Variants in ZNF732 observed in about 807,000 individuals in gnomAD.
ZNF732 encodes the protein zinc finger protein LOC654254.
ZNF732 carries 12 observed loss-of-function variants against 11.5 expected under a neutral mutation model. That is an observed-to-expected ratio of 1.05 (90% CI 0.67 to 1.70). The LOEUF (loss-of-function observed/expected upper bound fraction) is 1.70, where lower values mean the gene tolerates loss of function less well. ZNF732 is among the 40% of genes most tolerant of loss of function. ZNF732 has a pLI of 0.00. For synonymous variants in ZNF732, 231 were observed against 236.5 expected, an observed-to-expected ratio of 0.98 and a Z score of 0.21; for missense variants, 702 against 676.9, an observed-to-expected ratio of 1.04 and a Z score of -0.41.
Position 299,390 on chromosome 4 carries a change from TGTACAC to T in ZNF732, c.4-3241_4-3236del, listed in dbSNP as rs529754494. Among the ~76,000 whole-genome samples the T allele has an allele frequency of 1.1e-3, 82 of 75,694 alleles. 4 individuals carry two copies. Among genetic ancestry groups the T allele is most frequent in the African/African-American group, 2.7e-3 (74 of 26,924 alleles). The allele number at this position is 75,694 out of a possible 152,430, so 49.7% of individuals were successfully genotyped here. Reference sequence around the variant, plus strand: ...ATATGTGTATATATATATACACATATGTACACATATGTGTATATATATATACACATA... The same window carrying T: ...ATATGTGTATATATATATACACATATATATGTGTATATATATATACACATA... On this transcript the variant is annotated intron_variant, in intron 1 of 3. Transcript: ENST00000419098.
intron 3 of ZNF732, among the ~76,000 whole-genome samples, chr4:281,869 C>T (rs1352957954): frequency 2.0e-5 from 3 of 152,024 alleles, no homozygotes; most frequent in African/African-American, 7.2e-5. Flanking sequence ...AAACACAGAT[C>T]TAAAAAATGG....
chr4:300,977 A>T (rs2108662398), intron 1 of ZNF732, among the ~76,000 whole-genome samples: 1 of 152,338 alleles, frequency 6.6e-6, no homozygotes, highest in Non-Finnish European at 1.5e-5. Context: ...CTCATCTGAC[A>T]AAGAGCTAAT....
chr4:293,233 G>GGTGT lies in ZNF732; in HGVS notation c.226+2201_226+2204dup, dbSNP rs199884660. On this transcript the variant is annotated intron_variant, in intron 3 of 3. Coordinates refer to ENST00000419098, the MANE Select transcript of ZNF732 (RefSeq NM_001137608.3). Reference sequence around the variant, plus strand: ...AGTATATTTACAATAGCCAAAATATGGTGTGTGTGTGTATATATATATACA... The same window carrying GGTGT: ...AGTATATTTACAATAGCCAAAATATGGTGTGTGTGTGTGTGTATATATATATACA... Among the ~76,000 whole-genome samples the GGTGT allele has an allele frequency of 8.3e-5, 11 of 131,900 alleles. No homozygotes were observed. The South Asian group carries it at 1.1e-3, about 13-fold the overall frequency. The allele number at this position is 131,900 out of a possible 152,430, so 86.5% of individuals were successfully genotyped here. A position where few individuals can be genotyped will look rare whatever the true frequency, so the allele number is the denominator to read the frequency against.
intron 2 of ZNF732, 111 bp from the exon 3 acceptor site, chr4:295,644 A>G (rs964605849): frequency 3.7e-5 from 37 of 988,146 alleles, no homozygotes; most frequent in Non-Finnish European, 5.3e-5. Flanking sequence ...TAATTAATCC[A>G]AAAATTGTTT....
chr4:281,046 G>A (rs1404766408), intron 3 of ZNF732, among the ~76,000 whole-genome samples: 1 of 152,106 alleles, frequency 6.6e-6, no homozygotes, highest in Non-Finnish European at 1.5e-5. Flanking sequence ...CTATAAGCTG[G>A]CTCCAAGTCC....
intron 1 of ZNF732, among the ~76,000 whole-genome samples, chr4:296,423 G>A (rs1447658714): frequency 3.3e-5 from 5 of 152,068 alleles, no homozygotes; most frequent in Non-Finnish European, 7.4e-5. Context: ...TGGAAAAAAA[G>A]ATTTAACTCA....
intron 3 of ZNF732, among the ~76,000 whole-genome samples, chr4:278,161 T>C (rs1198215672): frequency 6.6e-6 from 1 of 152,204 alleles, no homozygotes; most frequent in Non-Finnish European, 1.5e-5. Flanking sequence ...ATGTGAAATC[T>C]AATATAAACA....
At chr4:291,883 TG>T (rs1719848294) in intron 3 of ZNF732, among the ~76,000 whole-genome samples, 1 of 152,064 alleles carries the variant, frequency 6.6e-6, no homozygotes, top group South Asian at 2.1e-4. Flanking sequence ...AAAAAACCAA[TG>T]GAACAGAATA....
intron 1 of ZNF732, among the ~76,000 whole-genome samples, chr4:299,466 T>TATATACAC (rs1581549094): frequency 3.7e-5 from 3 of 81,826 alleles, no homozygotes; most frequent in African/African-American, 1.2e-4. Flanking sequence ...TATGTGTATA[T>TATATACAC]ATATATACAC....
At chr4:298,856 C>G (rs1195385657) in intron 1 of ZNF732, among the ~76,000 whole-genome samples, 3 of 152,208 alleles carry the variant, frequency 2.0e-5, no homozygotes, top group African/African-American at 7.2e-5. Context: ...ATTTTGTGGC[C>G]CTGAACTCCC....
In ZNF732 at chr4:271,471, A is replaced by T. The variant is rs1719358722; in HGVS notation, c.1386T>A (p.Ser462Arg). The change falls in exon 4 of 4, where the codon AGT (serine) becomes AGA (arginine). Residue 462 changes from serine (S) to arginine (R), a missense_variant. Coordinates refer to ENST00000419098, the MANE Select transcript of ZNF732 (RefSeq NM_001137608.3). ...CTCCAGTATGAATTTTCTTATGTTT[A>T]CTCAGGTATGCAGACCATCCAAAGG... ...GKAFGWSAYL[S>R]KHKKIHTGEK... 3 of 1,609,224 alleles carry T rather than the reference A, an allele frequency of 1.9e-6. No individual in the cohort carries two copies. The highest frequency in any genetic ancestry group is 2.5e-6 in the Non-Finnish European group (3 of 1,177,810).
intron 3 of ZNF732, among the ~76,000 whole-genome samples, chr4:277,893 A>C (rs1553839007): frequency 6.7e-6 from 1 of 149,766 alleles, no homozygotes; most frequent in African/African-American, 2.5e-5. Flanking sequence ...AGCTAAAGAA[A>C]ACAAAATCAG....
rs114676750 is a variant in ZNF732, at chr4:285,297, C to T, written c.226+10141G>A. Among the ~76,000 whole-genome samples the T allele has an allele frequency of 1.3e-3, 203 of 152,318 alleles. 1 individual carries two copies. The highest frequency in any genetic ancestry group is 4.3e-3 in the African/African-American group (180 of 41,578). On this transcript the variant is annotated intron_variant, in intron 3 of 3. Transcript: ENST00000419098. ...TATAGATACTGGCCCAGGCAGGCAG[C>T]TCTGACTTATGAATGTGTGTGTGCA...
At chr4:296,352 A>C (rs1251120254) in intron 1 of ZNF732, among the ~76,000 whole-genome samples, 197 bp from the exon 2 acceptor site, 4 of 152,150 alleles carry the variant, frequency 2.6e-5, no homozygotes, top group African/African-American at 9.7e-5. Flanking sequence ...CTGCAATAAA[A>C]ATAACGGGCT....
chr4:293,130 C>T lies in ZNF732; in HGVS notation c.226+2308G>A, dbSNP rs192482992. ...AAAATGGAAATATTATATAATCCAG[C>T]AATACCACTTCTGGGTACACTACCA... On this transcript the variant is annotated intron_variant, in intron 3 of 3. Transcript: ENST00000419098. Among the ~76,000 whole-genome samples, 833 of 143,048 alleles carry T rather than the reference C, an allele frequency of 5.8e-3. 7 individuals are homozygous for T. Among genetic ancestry groups the T allele is most frequent in the African/African-American group, 0.02 (782 of 38,770 alleles). 93.8% of individuals were successfully genotyped at this position (143,048 alleles called of 152,430 possible). A position where few individuals can be genotyped will look rare whatever the true frequency, so the allele number is the denominator to read the frequency against.
chr4:276,440 T>G (rs1207637131), intron 3 of ZNF732, among the ~76,000 whole-genome samples: 2 of 151,910 alleles, frequency 1.3e-5, no homozygotes, highest in East Asian at 3.8e-4. Flanking sequence ...TCCTATTCAG[T>G]ATGATTTCAG....
At chr4:289,979 A>C (rs1001870631) in intron 3 of ZNF732, among the ~76,000 whole-genome samples, 2 of 152,252 alleles carry the variant, frequency 1.3e-5, no homozygotes, top group Admixed American at 6.5e-5. Context: ...ATTTAAAAGG[A>C]TGTGGCTTAC....
In ZNF732 at chr4:295,207, T is replaced by C. The variant is rs77103782; in HGVS notation, c.226+231A>G. 7.4e-3 allele frequency among the ~76,000 whole-genome samples: 1,123 copies of C among 152,332 alleles called. 8 individuals carry two copies. Among genetic ancestry groups the C allele is most frequent in the African/African-American group, 0.02 (834 of 41,582 alleles). On this transcript the variant is annotated intron_variant, in intron 3 of 3. Transcript: ENST00000419098. Reference sequence around the variant, plus strand: ...CCCCTAATAAACGATAAAGTGGACATTGGCTCTCCCTGTAAACTTGAAGGG... The same window carrying C: ...CCCCTAATAAACGATAAAGTGGACACTGGCTCTCCCTGTAAACTTGAAGGG...
At chr4:300,510 A>G (rs1720094854) in intron 1 of ZNF732, among the ~76,000 whole-genome samples, 2 of 152,198 alleles carry the variant, frequency 1.3e-5, no homozygotes, top group South Asian at 4.2e-4. Flanking sequence ...ATTTGTGGCA[A>G]TAGCACACAA....
Sources: allele counts gnomAD v4.1 joint callset (sites outside exome capture counted in the v4.1 genomes callset), GRCh38; gene constraint gnomAD v4.1.1; transcripts MANE v1.5; gene names NCBI Gene and HGNC (gene_info 2026-07-23, HGNC 2026-07-21).